Variants in SSBP3 observed in about 807,000 individuals in gnomAD.
SSBP3 encodes single stranded DNA binding protein 3.
Under a neutral mutation model 69.6 loss-of-function variants are expected in SSBP3, and 5 were observed. The ratio of observed to expected loss-of-function variants is 0.07; its 90% confidence interval spans 0.04 to 0.15. SSBP3 has a LOEUF of 0.15. Ranked by LOEUF, SSBP3 falls within the 10% of genes least tolerant of loss-of-function variation. The pLI, the probability that SSBP3 is intolerant of heterozygous loss-of-function variation, is 1.00. For synonymous variants in SSBP3, 196 were observed against 193.4 expected, an observed-to-expected ratio of 1.01 and a Z score of -0.11; for missense variants, 312 against 534.0, an observed-to-expected ratio of 0.58 and a Z score of 4.10.
At chr1:54,358,324 G>A (rs866381955) in intron 4 of SSBP3, among the ~76,000 whole-genome samples, 12 of 152,174 alleles carry the variant, frequency 7.9e-5, no homozygotes, top group Admixed American at 7.2e-4. Context: ...AGATACGGTG[G>A]ACTCTTGGGG....
At chr1:54,385,930 C>T (rs1648046085) in intron 4 of SSBP3, among the ~76,000 whole-genome samples, 2 of 152,200 alleles carry the variant, frequency 1.3e-5, no homozygotes, top group Non-Finnish European at 2.9e-5. Context: ...CCATATTCAT[C>T]AGACACAAAA....
At chr1:54,384,996 G>A (rs114513363) in intron 4 of SSBP3, among the ~76,000 whole-genome samples, 1,780 of 152,214 alleles carry the variant, frequency 0.012, 38 homozygotes, top group African/African-American at 0.041. Flanking sequence ...GCCTGTCCAC[G>A]TCTCCAGAGT....
intron 4 of SSBP3, among the ~76,000 whole-genome samples, chr1:54,391,430 G>A (rs1444411854): frequency 6.6e-6 from 1 of 152,188 alleles, no homozygotes; most frequent in Non-Finnish European, 1.5e-5. Context: ...GGCAATAACT[G>A]CCCACCAACC....
rs372749371 is a variant in SSBP3, at chr1:54,342,044, C to A, written c.276+59817G>T. Among the ~76,000 whole-genome samples, 7 of 152,356 alleles carry A rather than the reference C, an allele frequency of 4.6e-5. No individual in the cohort carries two copies. In the East Asian group the frequency reaches 7.7e-4, roughly 17 times the overall value. ...TTTCAAAATGCGGACTGACACCACA[C>A]TGTGTAAGGCCACGCGCAGAGGGAT... On this transcript the variant is annotated intron_variant, in intron 4 of 17. Coordinates refer to ENST00000610401, the Ensembl canonical transcript of SSBP3.
chr1:54,272,504 GAGAAAA>G (rs1166426497), intron 5 of SSBP3, among the ~76,000 whole-genome samples: 1 of 148,232 alleles, frequency 6.7e-6, no homozygotes. Context: ...AAAAAAAAGG[GAGAAAA>G]ACCTCAGTAC....
chr1:54,331,431 C>T (rs191358644), intron 4 of SSBP3, among the ~76,000 whole-genome samples: 39 of 152,280 alleles, frequency 2.6e-4, no homozygotes, highest in African/African-American at 9.4e-4. Flanking sequence ...AGACAAAAAC[C>T]CAAGAATGAA....
intron 4 of SSBP3, among the ~76,000 whole-genome samples, chr1:54,284,639 T>C (rs1645454887): frequency 6.6e-6 from 1 of 151,894 alleles, no homozygotes; most frequent in African/African-American, 2.4e-5. Flanking sequence ...AGCTAATTTT[T>C]AAAATTTTTT....
At chr1:54,371,118 C>T (rs959945985) in intron 4 of SSBP3, among the ~76,000 whole-genome samples, 5 of 152,324 alleles carry the variant, frequency 3.3e-5, no homozygotes, top group African/African-American at 1.2e-4. Context: ...AGAAAGGTCT[C>T]CAAACACCCC....
intron 4 of SSBP3, among the ~76,000 whole-genome samples, chr1:54,373,600 TA>T (rs916292638): frequency 4.0e-5 from 6 of 149,986 alleles, no homozygotes; most frequent in Admixed American, 2.0e-4. Flanking sequence ...CCCATCTCTA[TA>T]AAAAAAAATA....
chr1:54,399,532 G>A (rs948983981), intron 4 of SSBP3, among the ~76,000 whole-genome samples: 13 of 152,218 alleles, frequency 8.5e-5, no homozygotes, highest in African/African-American at 3.1e-4. Flanking sequence ...TGTATAGGTG[G>A]TTTTTATAGA....
intron 4 of SSBP3, among the ~76,000 whole-genome samples, chr1:54,368,624 T>C (rs1647068226): frequency 6.6e-6 from 1 of 152,196 alleles, no homozygotes. Context: ...TCTACTCCAC[T>C]TCTGAGATCT....
chr1:54,339,968 C>A (rs1407999526), intron 4 of SSBP3, among the ~76,000 whole-genome samples: 1 of 152,100 alleles, frequency 6.6e-6, no homozygotes, highest in East Asian at 1.9e-4. Flanking sequence ...CAAACATAAA[C>A]TTCAGCATCA....
At chr1:54,388,245 G>A (rs1648227337) in intron 4 of SSBP3, among the ~76,000 whole-genome samples, 1 of 152,126 alleles carries the variant, frequency 6.6e-6, no homozygotes, top group South Asian at 2.1e-4. Flanking sequence ...GTTTGTCAAA[G>A]TAGCAGCATG....
chr1:54,334,418 C>T (rs1490935657), intron 4 of SSBP3, among the ~76,000 whole-genome samples: 1 of 152,130 alleles, frequency 6.6e-6, no homozygotes, highest in Non-Finnish European at 1.5e-5. Context: ...GTTATAAAGA[C>T]TCTGCCAGCA....
chr1:54,227,737 C>G (rs952581435), intron 17 of SSBP3, among the ~76,000 whole-genome samples: 1 of 152,126 alleles, frequency 6.6e-6, no homozygotes, highest in Non-Finnish European at 1.5e-5. Flanking sequence ...GACACTACAC[C>G]CGGCTAATTT....
chr1:54,402,075 T>C (rs1321967398), intron 3 of SSBP3, 130 bp from the exon 4 acceptor site: 10 of 705,878 alleles, frequency 1.4e-5, no homozygotes, highest in East Asian at 2.7e-5. Context: ...TCAGCTCTCA[T>C]TGGGCAAACA....
intron 4 of SSBP3, among the ~76,000 whole-genome samples, chr1:54,296,003 T>G: frequency 6.6e-6 from 1 of 152,242 alleles, no homozygotes; most frequent in East Asian, 1.9e-4. Flanking sequence ...AAAAGTGGAA[T>G]CCAAATATTT....
At chr1:54,324,201 T>C (rs1646261942) in intron 4 of SSBP3, among the ~76,000 whole-genome samples, 1 of 152,134 alleles carries the variant, frequency 6.6e-6, no homozygotes, top group African/African-American at 2.4e-5. Context: ...GAGAAAGCCT[T>C]CCGGCCACAG....
At chr1:54,310,939 G>C (rs1645990742) in intron 4 of SSBP3, among the ~76,000 whole-genome samples, 1 of 152,196 alleles carries the variant, frequency 6.6e-6, no homozygotes, top group Admixed American at 6.5e-5. Flanking sequence ...GTCTCCGTGT[G>C]GGGGCTGACA....
Sources: gnomAD v4.1 joint callset for allele counts (sites outside exome capture counted in the v4.1 genomes callset) on GRCh38, gnomAD v4.1.1 for gene constraint, MANE v1.5 for transcripts, NCBI Gene and HGNC (gene_info 2026-07-23, HGNC 2026-07-21) for gene names.